BAZ2B: variants seen among roughly 807,000 people sequenced by gnomAD.
BAZ2B encodes the protein bromodomain adjacent to zinc finger domain 2B.
BAZ2B carries 91 observed loss-of-function variants against 246.0 expected under a neutral mutation model. The ratio of observed to expected loss-of-function variants is 0.37; its 90% CI spans 0.31 to 0.44. The LOEUF (loss-of-function observed/expected upper bound fraction) is 0.44. Ranked by LOEUF, BAZ2B falls within the 20% of genes least tolerant of loss-of-function variation. BAZ2B has a pLI of 1.00. For missense variants in BAZ2B, 2,332 were observed against 2,533.7 expected, an observed-to-expected ratio of 0.92 and a Z score of 1.71; for synonymous variants, 855 against 860.0, an observed-to-expected ratio of 0.99 and a Z score of 0.10.
Position 159,392,257 on chromosome 2 carries a change from CTTG to C in BAZ2B, c.3076-2775_3076-2773del, listed in dbSNP as rs2063428415. ...CCTCTTTGTACCCCCACCCCCAGGT[CTTG>C]TTTAGTCACAATACTGTACCTTTGT... On this transcript the variant is annotated intron_variant, in intron 20 of 36. Coordinates refer to ENST00000392783, the MANE Select transcript of BAZ2B (RefSeq NM_013450.4). 3.3e-5 allele frequency: 5 copies of C among 152,344 alleles called. No homozygotes were observed. The South Asian group carries it at 1.0e-3, about 32-fold the overall frequency. 9.4% of individuals were successfully genotyped at this position (152,344 alleles called of 1,614,324 possible).
intron 33 of BAZ2B, among the ~76,000 whole-genome samples, chr2:159,334,694 A>C (rs2065330227): frequency 6.6e-6 from 1 of 152,236 alleles, no homozygotes; most frequent in South Asian, 2.1e-4. Flanking sequence ...TAGATGAAGA[A>C]CAAGAGAAAG....
chr2:159,605,133 T>C (rs1239097768), intron 1 of BAZ2B, among the ~76,000 whole-genome samples: 2 of 151,914 alleles, frequency 1.3e-5, no homozygotes, highest in Non-Finnish European at 1.5e-5. Context: ...GTTCGAGCAA[T>C]CCTTCCACTT....
intron 2 of BAZ2B, among the ~76,000 whole-genome samples, chr2:159,525,718 T>C (rs1306524664): frequency 6.6e-6 from 1 of 152,202 alleles, no homozygotes; most frequent in Non-Finnish European, 1.5e-5. Context: ...GCTTGTTATG[T>C]ATATACTGTT....
the BAZ2B span, among the ~76,000 whole-genome samples, chr2:159,622,953 C>G: frequency 2.3e-5 from 3 of 132,566 alleles, no homozygotes; most frequent in African/African-American, 8.7e-5. Context: ...GCCAGGGTGA[C>G]AGAGTGAGAC....
intron 36 of BAZ2B, 120 bp downstream of exon 36, chr2:159,324,676 ACACACACACACACCT>A: frequency 6.7e-5 from 16 of 237,356 alleles, no homozygotes; most frequent in Admixed American, 2.0e-4. Flanking sequence ...ACACACACAC[ACACACACACACACCT>A]GCCTCAAAGG....
intron 2 of BAZ2B, among the ~76,000 whole-genome samples, chr2:159,543,683 A>G (rs1329513900): frequency 6.6e-6 from 1 of 151,956 alleles, no homozygotes; most frequent in East Asian, 1.9e-4. Flanking sequence ...CTACAGGCAC[A>G]CGCCACCACA....
intron 3 of BAZ2B, among the ~76,000 whole-genome samples, chr2:159,476,867 G>T (rs1422751003): frequency 6.6e-6 from 1 of 152,118 alleles, no homozygotes; most frequent in Non-Finnish European, 1.5e-5. Flanking sequence ...TCATAGCATC[G>T]CTATTTTTGA....
downstream of BAZ2B, among the ~76,000 whole-genome samples, chr2:159,315,496 G>A (rs1208980512): frequency 6.6e-6 from 1 of 152,166 alleles, no homozygotes; most frequent in Non-Finnish European, 1.5e-5. Context: ...GATGCCTCAG[G>A]CACAGGGCTG....
the BAZ2B span, among the ~76,000 whole-genome samples, chr2:159,680,725 T>TTA: frequency 1.3e-5 from 2 of 152,156 alleles, no homozygotes; most frequent in African/African-American, 4.8e-5. Flanking sequence ...TATATATTCC[T>TTA]TATATATATT....
the BAZ2B span, among the ~76,000 whole-genome samples, chr2:159,640,481 A>C: frequency 4.2e-4 from 64 of 152,282 alleles, no homozygotes; most frequent in Non-Finnish European, 7.8e-4. Flanking sequence ...TTCAAAAAAA[A>C]ACCTGAAATA....
chr2:159,537,500 A>G (rs1215927161), intron 2 of BAZ2B, among the ~76,000 whole-genome samples: 1 of 152,244 alleles, frequency 6.6e-6, no homozygotes, highest in African/African-American at 2.4e-5. Context: ...TGTTTAATGA[A>G]TGTTTAATAA....
chr2:159,383,455 G>C (rs2062245531), intron 24 of BAZ2B, 151 bp downstream of exon 24: 2 of 691,202 alleles, frequency 2.9e-6, no homozygotes, highest in South Asian at 3.6e-5. Flanking sequence ...TTCTGCCCCT[G>C]AGTTTTATTA....
At chr2:159,551,268 A>C (rs6711132) in intron 2 of BAZ2B, among the ~76,000 whole-genome samples, 2 of 151,520 alleles carry the variant, frequency 1.3e-5, no homozygotes, top group Non-Finnish European at 2.9e-5. Context: ...AGGAGATCAA[A>C]ACCATCCTGG....
chr2:159,680,170 G>A, the BAZ2B span, among the ~76,000 whole-genome samples: 2 of 152,154 alleles, frequency 1.3e-5, no homozygotes, highest in African/African-American at 4.8e-5. Context: ...AAAATCCAAT[G>A]TATACAAGAG....
the BAZ2B span, among the ~76,000 whole-genome samples, chr2:159,672,400 G>A: frequency 9.9e-5 from 15 of 152,092 alleles, no homozygotes; most frequent in African/African-American, 3.6e-4. Flanking sequence ...GTTCAACAAT[G>A]GCCAATATTG....
At chr2:159,373,695 G>A (rs1443701375) in intron 26 of BAZ2B, among the ~76,000 whole-genome samples, 2 of 152,090 alleles carry the variant, frequency 1.3e-5, no homozygotes, top group African/African-American at 4.8e-5. Context: ...AGCTGGGCAC[G>A]GTGGCACATG....
At chr2:159,623,309 G>A in the BAZ2B span, among the ~76,000 whole-genome samples, 2 of 151,992 alleles carry the variant, frequency 1.3e-5, no homozygotes, top group South Asian at 2.1e-4. Flanking sequence ...GTTTGAAGTT[G>A]TAATGCACTA....
At chr2:159,343,445 A>ATGTT (rs1559026538) in intron 31 of BAZ2B, among the ~76,000 whole-genome samples, 1 of 152,206 alleles carries the variant, frequency 6.6e-6, no homozygotes, top group Non-Finnish European at 1.5e-5. Context: ...GAAAAAGTCA[A>ATGTT]CAGAGTGAAA....
intron 1 of BAZ2B, among the ~76,000 whole-genome samples, chr2:159,581,262 G>A (rs1425213640): frequency 5.3e-5 from 8 of 152,004 alleles, no homozygotes; most frequent in African/African-American, 1.9e-4. Flanking sequence ...GTGGACAAAG[G>A]ATACGAACAG....
Sources: allele counts gnomAD v4.1 joint callset (sites outside exome capture counted in the v4.1 genomes callset), GRCh38; gene constraint gnomAD v4.1.1; transcripts MANE v1.5; gene names NCBI Gene and HGNC (gene_info 2026-07-23, HGNC 2026-07-21).